The following RASSF6 variants were observed in gnomAD, a reference collection of about 807,000 sequenced individuals.
The protein encoded by RASSF6 is ras association domain-containing protein 6.
A neutral mutation model predicts 44.0 loss-of-function variants in RASSF6; 52 were observed. That is an observed-to-expected ratio of 1.18 (90% confidence interval 0.95 to 1.49). RASSF6 has a LOEUF of 1.49. Among genes scored for constraint, RASSF6 ranks in the 40% most tolerant of loss-of-function variants. RASSF6 has a pLI of 0.00. For synonymous variants in RASSF6, 162 were observed against 124.6 expected (o/e 1.30, Z -2.00); for missense variants, 464 against 393.3 (o/e 1.18, Z -1.52).
At chr4:73,590,432 G>A (rs1416184251) in intron 4 of RASSF6, among the ~76,000 whole-genome samples, 2 of 152,162 alleles carry the variant, frequency 1.3e-5, no homozygotes, top group African/African-American at 4.8e-5. Flanking sequence ...TTGCCTAGAG[G>A]TGCCCACTAT....
intron 3 of RASSF6, among the ~76,000 whole-genome samples, chr4:73,594,290 T>G (rs1312904736): frequency 2.0e-5 from 3 of 152,214 alleles, no homozygotes; most frequent in Admixed American, 1.3e-4. Context: ...CTTTGGAAAA[T>G]GTAGAAACTA....
Position 73,587,847 on chromosome 4 carries a change from G to A in RASSF6, c.375C>T (p.Ser125=), listed in dbSNP as rs200405727. Residue 125 remains serine, a synonymous_variant, in exon 5 of 11, where the codon TCC becomes TCT. Transcript: ENST00000307439. ...TAAGATTTTGATACTGACCTTCCTG[G>A]GAATTCCTTTTTTCAGACATAGGAA... ...TQIPMSEKRN[S]QEDYLSYHSN... is the part of the protein sequence containing the mutation. 374 of 1,602,816 alleles carry A rather than the reference G, an allele frequency of 2.3e-4. No homozygotes were observed. The highest frequency in any genetic ancestry group is 3.1e-4 in the Non-Finnish European group (358 of 1,171,096).
At chr4:73,600,280 G>A (rs1222322176) in intron 2 of RASSF6, among the ~76,000 whole-genome samples, 1 of 151,962 alleles carries the variant, frequency 6.6e-6, no homozygotes, top group Non-Finnish European at 1.5e-5. Context: ...AGAGTACTTG[G>A]TACATAGCAG....
intron 1 of RASSF6, among the ~76,000 whole-genome samples, chr4:73,616,139 C>T (rs969599922): frequency 7.9e-5 from 12 of 152,104 alleles, no homozygotes; most frequent in Non-Finnish European, 1.6e-4. Context: ...TATCTATAGC[C>T]TCTTATTTCT....
intron 5 of RASSF6, 45 bp downstream of exon 5, chr4:73,587,795 T>C (rs781382925): frequency 4.2e-6 from 5 of 1,190,354 alleles, no homozygotes; most frequent in Non-Finnish European, 6.3e-6. Flanking sequence ...TACTTTACAC[T>C]AATTAAAAAT....
In RASSF6 at chr4:73,582,225, A is replaced by G; in HGVS notation, c.633T>C (p.Thr211=). 6.3e-7 allele frequency: 1 copy of G among 1,593,786 alleles called. No homozygotes were observed. Among genetic ancestry groups the G allele is most frequent in the Non-Finnish European group, 8.6e-7 (1 of 1,166,966 alleles). The part of the protein sequence containing the change: ...TKVRVNSNMR[T]EEVIKQLLQK... Reference sequence around the variant, plus strand: ...GGAGAAGTTGCTTTATTACTTCTTCAGTTCTCATGTTACTGTTTACTCTGA... The same window carrying G: ...GGAGAAGTTGCTTTATTACTTCTTCGGTTCTCATGTTACTGTTTACTCTGA... The change falls in exon 7 of 11, where the codon ACT becomes ACC. Residue 211 remains threonine (T), a synonymous_variant. Transcript: ENST00000307439.
Position 73,576,728 on chromosome 4 carries a change from T to C in RASSF6, c.725A>G (p.Gln242Arg), listed in dbSNP as rs1175631102. 24 of 1,570,246 alleles carry C rather than the reference T, an allele frequency of 1.5e-5. No individual in the cohort carries two copies. The East Asian group carries it at 5.4e-4, about 35-fold the overall frequency. ...AATGTCTGTCTTCTTTAGTCGTCTT[T>C]GTTCTGCAGTGAAAACAAGAATCAA... ...ALHIIFATGEQRRLKKTDIPL... is the reference protein window; with the variant it reads ...ALHIIFATGERRRLKKTDIPL... The change falls in exon 9 of 11, where the codon CAA (glutamine) becomes CGA (arginine). Residue 242 changes from glutamine (Q) to arginine (R), a missense_variant. By Grantham distance (43) the Gln-to-Arg change is conservative. Transcript: ENST00000307439.
chr4:73,613,407 T>C (rs1356192991), intron 1 of RASSF6, among the ~76,000 whole-genome samples: 2 of 152,182 alleles, frequency 1.3e-5, no homozygotes, highest in Non-Finnish European at 2.9e-5. Flanking sequence ...GCAACTTGGT[T>C]ATACAGGTTA....
At chr4:73,580,872 G>C (rs968658136) in intron 8 of RASSF6, among the ~76,000 whole-genome samples, 1 of 102,740 alleles carries the variant, frequency 9.7e-6, no homozygotes, top group Admixed American at 8.9e-5. Flanking sequence ...AAGCTCTTTA[G>C]TTTAATGAGA....
intron 6 of RASSF6, among the ~76,000 whole-genome samples, chr4:73,584,619 C>G (rs1343947853): frequency 6.6e-6 from 1 of 152,100 alleles, no homozygotes; most frequent in Non-Finnish European, 1.5e-5. Flanking sequence ...TGGCCTGTGG[C>G]TTTTTCCTTT....
chr4:73,592,889 A>G (rs1284735874), intron 4 of RASSF6, among the ~76,000 whole-genome samples: 2 of 152,312 alleles, frequency 1.3e-5, no homozygotes, highest in East Asian at 3.9e-4. Context: ...AGTCAAGACC[A>G]CAGGCTGTGG....
chr4:73,587,694 A>C, intron 5 of RASSF6, 146 bp downstream of exon 5: 1 of 401,960 alleles, frequency 2.5e-6, no homozygotes, highest in Non-Finnish European at 4.5e-6. Flanking sequence ...CTATGCTCCT[A>C]AGATATTTAA....
intron 2 of RASSF6, among the ~76,000 whole-genome samples, chr4:73,602,415 A>G (rs1281804754): frequency 6.6e-6 from 1 of 152,252 alleles, no homozygotes; most frequent in Non-Finnish European, 1.5e-5. Context: ...TGTCTATAGA[A>G]GGTTCTAAAG....
chr4:73,576,065 C>A lies in RASSF6; in HGVS notation c.*170G>T. The A allele has an allele frequency of 2.1e-6, 1 of 479,016 alleles. No homozygotes were observed. Among genetic ancestry groups the A allele is most frequent in the Non-Finnish European group, 3.7e-6 (1 of 272,192 alleles). The allele number at this position is 479,016 out of a possible 1,614,324, so 29.7% of individuals were successfully genotyped here. A position where few individuals can be genotyped will look rare whatever the true frequency, so the allele number is the denominator to read the frequency against. On this transcript the variant is annotated 3_prime_UTR_variant, in exon 11 of 11. Transcript: ENST00000307439. ...AAACTCATTTTGTCCAACTGTGAACCCTAATTAACCTCATCACTTCAAAAA... is the reference window on the plus strand; with the variant it reads ...AAACTCATTTTGTCCAACTGTGAACACTAATTAACCTCATCACTTCAAAAA...
Position 73,593,516 on chromosome 4 carries a change from T to C in RASSF6, c.222A>G (p.Ile74Met). Residue 74 changes from isoleucine to methionine, a missense_variant, in exon 4 of 11, where the codon ATA (isoleucine) becomes ATG (methionine). Physicochemically the swap from Ile to Met is conservative, Grantham distance 10. Transcript: ENST00000307439. ...AAGAAGAGAATGGCTTCTCATCTTGTATTTTTAGCTGTATAGGTCGTTTTA... is the reference window on the plus strand; with the variant it reads ...AAGAAGAGAATGGCTTCTCATCTTGCATTTTTAGCTGTATAGGTCGTTTTA... ...WGVKRPIQLKIQDEKPFSSFT... is the reference protein window; with the variant it reads ...WGVKRPIQLKMQDEKPFSSFT... The C allele has an allele frequency of 6.2e-7, 1 of 1,613,876 alleles. No individual in the cohort carries two copies. Among genetic ancestry groups the C allele is most frequent in the South Asian group, 1.1e-5 (1 of 90,988 alleles).
intron 8 of RASSF6, among the ~76,000 whole-genome samples, chr4:73,579,559 A>C (rs1373481393): frequency 3.3e-5 from 5 of 152,180 alleles, no homozygotes; most frequent in African/African-American, 9.6e-5. Flanking sequence ...GACTTTTCTA[A>C]AACTATTTAA....
At position 73,576,641 on chromosome 4, in the gene RASSF6, T is replaced by C. The variant is rs769231732; in HGVS notation, c.812A>G (p.Asp271Gly). The C allele has an allele frequency of 6.2e-7, 1 of 1,613,572 alleles. No homozygotes were observed. The highest frequency in any genetic ancestry group is 1.1e-5 in the South Asian group (1 of 91,048). The change falls in exon 9 of 11, where the codon GAT (aspartate) becomes GGT (glycine). Residue 271 changes from aspartate to glycine, a missense_variant. Physicochemically the swap from Asp to Gly is moderately conservative, Grantham distance 94 (BLOSUM62 -1). Coordinates refer to ENST00000307439, the MANE Select transcript of RASSF6 (RefSeq NM_177532.5). Reference sequence around the variant, plus strand: ...ACTGCTAATTTCTTCTGCATCTTTATCCATGAGGAAAATGCGAGCATTCTT... The same window carrying C: ...ACTGCTAATTTCTTCTGCATCTTTACCCATGAGGAAAATGCGAGCATTCTT... Reference protein sequence around the residue: ...SEKNARIFLMDKDAEEISSDV... With the variant: ...SEKNARIFLMGKDAEEISSDV...
chr4:73,606,292 T>C (rs764864286), intron 2 of RASSF6, among the ~76,000 whole-genome samples: 2 of 152,212 alleles, frequency 1.3e-5, no homozygotes, highest in Non-Finnish European at 2.9e-5. Flanking sequence ...GAGGCTATTA[T>C]CCTAAGTGAA....
At chr4:73,615,441 A>G (rs573688200) in intron 1 of RASSF6, among the ~76,000 whole-genome samples, 1 of 152,300 alleles carries the variant, frequency 6.6e-6, no homozygotes, top group African/African-American at 2.4e-5. Context: ...GAGGGAGAGA[A>G]TTTATGAAGA....
Sources: gnomAD v4.1 joint callset for allele counts (sites outside exome capture counted in the v4.1 genomes callset) on GRCh38, gnomAD v4.1.1 for gene constraint, MANE v1.5 for transcripts, NCBI Gene and HGNC (gene_info 2026-07-23, HGNC 2026-07-21) for gene names.